TAF4: variants seen among roughly 807,000 people sequenced by gnomAD.
The protein encoded by TAF4 is TATA-box binding protein associated factor 4, also known as transcription initiation factor TFIID subunit 4.
TAF4 carries 9 observed loss-of-function variants against 90.3 expected under a neutral mutation model. The ratio of observed to expected loss-of-function variants is 0.10; its 90% CI spans 0.06 to 0.17. TAF4 has a LOEUF of 0.17. TAF4 is among the 10% of genes least tolerant of loss of function. The pLI is 1.00. For synonymous variants in TAF4, 818 were observed against 638.9 expected, an observed-to-expected ratio of 1.28 and a Z score of -4.23; for missense variants, 1,351 against 1,370.7, an observed-to-expected ratio of 0.99 and a Z score of 0.23.
chr20:62,043,860 C>T (rs1423758445), intron 1 of TAF4, among the ~76,000 whole-genome samples: 1 of 152,180 alleles, frequency 6.6e-6, no homozygotes, highest in African/African-American at 2.4e-5. Context: ...AATGTATCCC[C>T]ATCACTAAGT....
intron 1 of TAF4, among the ~76,000 whole-genome samples, chr20:62,023,679 T>C (rs1341818272): frequency 1.7e-5 from 2 of 118,516 alleles, no homozygotes; most frequent in Non-Finnish European, 1.6e-5. Context: ...AGCCGGGAGG[T>C]GGAGGTTGCA....
intron 3 of TAF4, among the ~76,000 whole-genome samples, chr20:62,011,222 T>C (rs1439765424): frequency 6.6e-6 from 1 of 151,864 alleles, no homozygotes; most frequent in East Asian, 1.9e-4. Context: ...CTGAAAAACA[T>C]CAAATAAAAA....
chr20:62,007,508 G>T, intron 6 of TAF4, 39 bp downstream of exon 6: 1 of 1,592,892 alleles, frequency 6.3e-7, no homozygotes, highest in Non-Finnish European at 8.6e-7. Context: ...ACCCCTCCCT[G>T]GCCCTACTGC....
At chr20:62,038,299 C>T (rs538116434) in intron 1 of TAF4, among the ~76,000 whole-genome samples, 3 of 151,650 alleles carry the variant, frequency 2.0e-5, no homozygotes, top group Non-Finnish European at 4.4e-5. Context: ...AGTGCTGGGA[C>T]TACAGGCGTG....
chr20:62,031,186 T>C (rs1206197170), intron 1 of TAF4, among the ~76,000 whole-genome samples: 1 of 152,202 alleles, frequency 6.6e-6, no homozygotes, highest in Non-Finnish European at 1.5e-5. Context: ...ACAAGCCTCA[T>C]GTGACTTCAC....
At chr20:62,063,036 A>G (rs1014975070) in intron 1 of TAF4, among the ~76,000 whole-genome samples, 6 of 152,228 alleles carry the variant, frequency 3.9e-5, no homozygotes, top group East Asian at 1.9e-4. Context: ...CAACATACAC[A>G]TAACAGCAAA....
At chr20:61,981,701 G>A (rs530414150) in intron 14 of TAF4, among the ~76,000 whole-genome samples, 1 of 152,134 alleles carries the variant, frequency 6.6e-6, no homozygotes, top group African/African-American at 2.4e-5. Flanking sequence ...CTCAGGCAGA[G>A]TGGGACATTC....
At chr20:62,030,384 G>A (rs1315494022) in intron 1 of TAF4, among the ~76,000 whole-genome samples, 2 of 152,178 alleles carry the variant, frequency 1.3e-5, no homozygotes, top group African/African-American at 2.4e-5. Context: ...TACTAATTTA[G>A]ATTCGCTTTC....
At chr20:62,027,950 G>A (rs949909768) in intron 1 of TAF4, among the ~76,000 whole-genome samples, 4 of 152,222 alleles carry the variant, frequency 2.6e-5, no homozygotes, top group African/African-American at 4.8e-5. Flanking sequence ...GGCCTAGGTC[G>A]TGCAACCAGT....
chr20:61,999,640 C>G (rs559837509), intron 11 of TAF4, among the ~76,000 whole-genome samples: 1 of 152,172 alleles, frequency 6.6e-6, no homozygotes, highest in African/African-American at 2.4e-5. Flanking sequence ...GAGAGAGAGG[C>G]AGGTGCCTTC....
chr20:61,995,024 C>T (rs1354675017), intron 14 of TAF4, among the ~76,000 whole-genome samples: 1 of 152,192 alleles, frequency 6.6e-6, no homozygotes, highest in Non-Finnish European at 1.5e-5. Flanking sequence ...TTGAGAAACA[C>T]CTTGAGGTTT....
In TAF4 at chr20:62,064,862, G is replaced by C. The variant is rs1247746656; in HGVS notation, c.949C>G (p.Pro317Ala). The change falls in exon 1 of 15, where the codon CCG (proline) becomes GCG (alanine). Residue 317 changes from proline (P) to alanine (A), a missense_variant. Pro to Ala is a conservative substitution (Grantham distance 27). Coordinates refer to ENST00000252996, the MANE Select transcript of TAF4 (RefSeq NM_003185.4). Reference sequence around the variant, plus strand: ...ACCCCCGCGGGGCCCCCGGCGGCCGGGGCGGGGGCGGGGGCTGCCCCGGCG... The same window carrying C: ...ACCCCCGCGGGGCCCCCGGCGGCCGCGGCGGGGGCGGGGGCTGCCCCGGCG... ...GSAGAAPAPA[P>A]AAGGPAGVSG... The C allele has an allele frequency of 1.1e-6, 1 of 937,628 alleles. No individual in the cohort carries two copies. The highest frequency in any genetic ancestry group is 1.3e-6 in the Non-Finnish European group (1 of 791,654). 58.1% of individuals were successfully genotyped at this position (937,628 alleles called of 1,614,324 possible).
At position 62,003,255 on chromosome 20, in the gene TAF4, G is replaced by A. The variant is rs561993913; in HGVS notation, c.2391C>T (p.Ala797=). The A allele has an allele frequency of 1.8e-5, 29 of 1,614,062 alleles. No homozygotes were observed. Among genetic ancestry groups the A allele is most frequent in the Admixed American group, 5.0e-5 (3 of 60,018 alleles). ...PLQPVPVVKP[A]VLPGTKALSA... is the part of the protein sequence containing the mutation. ...AAAGGGCTTTGGTTCCAGGTAACAC[G>A]GCGGGTTTCACCACAGGGACTACAA... Residue 797 remains alanine, a synonymous_variant, in exon 9 of 15, where the codon GCC becomes GCT. Transcript: ENST00000252996.
At chr20:62,008,064 T>C (rs2055757526) in intron 5 of TAF4, 1 of 158,576 alleles carries the variant, frequency 6.3e-6, no homozygotes, top group Non-Finnish European at 1.4e-5. Flanking sequence ...ACAGACAGGA[T>C]CCACACAGTC....
intron 1 of TAF4, among the ~76,000 whole-genome samples, chr20:62,059,903 A>T (rs894350219): frequency 1.3e-5 from 2 of 152,244 alleles, no homozygotes; most frequent in East Asian, 3.8e-4. Context: ...ACAACCAACA[A>T]TTTATAAAAG....
chr20:62,020,916 A>G (rs1041112647), intron 1 of TAF4, among the ~76,000 whole-genome samples: 1 of 152,248 alleles, frequency 6.6e-6, no homozygotes, highest in Non-Finnish European at 1.5e-5. Flanking sequence ...CAGAAAGGAC[A>G]GCAGTTGCTG....
At chr20:62,016,385 C>T (rs2055812320) in intron 1 of TAF4, among the ~76,000 whole-genome samples, 1 of 152,202 alleles carries the variant, frequency 6.6e-6, no homozygotes, top group Non-Finnish European at 1.5e-5. Context: ...TGTGGCTGGG[C>T]ACCATCTAAT....
At chr20:62,054,851 G>A (rs762434238) in intron 1 of TAF4, among the ~76,000 whole-genome samples, 71 of 152,090 alleles carry the variant, frequency 4.7e-4, no homozygotes, top group Non-Finnish European at 8.8e-4. Flanking sequence ...CCTGGCCTGT[G>A]CCAGCTGCTC....
At chr20:62,052,804 C>A (rs1307271311) in intron 1 of TAF4, among the ~76,000 whole-genome samples, 1 of 142,508 alleles carries the variant, frequency 7.0e-6, no homozygotes, top group Non-Finnish European at 1.5e-5. Flanking sequence ...CTCACACCAC[C>A]CCACCCCCAC....
Sources: gnomAD v4.1 joint callset for allele counts (sites outside exome capture counted in the v4.1 genomes callset) on GRCh38, gnomAD v4.1.1 for gene constraint, MANE v1.5 for transcripts, NCBI Gene and HGNC (gene_info 2026-07-23, HGNC 2026-07-21) for gene names.